GALNT13: variants seen among roughly 807,000 people sequenced by gnomAD.
GALNT13 encodes UDP-GalNAc:polypeptide N-acetylgalactosaminyltransferase 13.
A neutral mutation model predicts 64.2 loss-of-function variants in GALNT13; 28 were observed. The ratio of observed to expected loss-of-function variants is 0.44; its 90% CI spans 0.32 to 0.60. The LOEUF is 0.60. GALNT13 is among the 20% of genes least tolerant of loss of function. The probability of loss-of-function intolerance (pLI) is 0.05; values close to 1 mark genes in which losing one functional copy is unlikely to be tolerated. For synonymous variants in GALNT13, 214 were observed against 224.6 expected (o/e 0.95, Z 0.42); for missense variants, 577 against 669.8 (o/e 0.86, Z 1.53).
chr2:153,797,512 G>A, the GALNT13 span, among the ~76,000 whole-genome samples: 1 of 152,024 alleles, frequency 6.6e-6, no homozygotes, highest in Admixed American at 6.6e-5. Flanking sequence ...TAATCTCAAG[G>A]GATCCCTCGA....
chr2:154,343,055 A>G (rs374040392), intron 9 of GALNT13, among the ~76,000 whole-genome samples: 55 of 152,068 alleles, frequency 3.6e-4, no homozygotes, highest in African/African-American at 1.3e-3. Context: ...AGGTCAAAAC[A>G]TTATGAGAAT....
At chr2:153,902,073 G>A (rs1168202252) in intron 2 of GALNT13, among the ~76,000 whole-genome samples, 1 of 152,110 alleles carries the variant, frequency 6.6e-6, no homozygotes, top group Non-Finnish European at 1.5e-5. Context: ...GGACTCTGGT[G>A]ATCTTCAAAT....
chr2:154,040,719 A>G (rs1423940037), intron 3 of GALNT13, among the ~76,000 whole-genome samples: 1 of 140,500 alleles, frequency 7.1e-6, no homozygotes, highest in Non-Finnish European at 1.6e-5. Flanking sequence ...TGCCTTTTCT[A>G]TATCAGAATG....
chr2:153,801,039 A>G, the GALNT13 span, among the ~76,000 whole-genome samples: 3 of 152,070 alleles, frequency 2.0e-5, no homozygotes, highest in South Asian at 2.1e-4. Context: ...CTACCTTCCA[A>G]CTTCTCTTTG....
the GALNT13 span, chr2:153,762,418 C>T: frequency 6.6e-6 from 1 of 152,418 alleles, no homozygotes; most frequent in Admixed American, 6.5e-5. Context: ...AGAACTGCCA[C>T]TTGCTCAGCC....
chr2:154,377,341 T>C (rs2105324374), intron 9 of GALNT13, among the ~76,000 whole-genome samples: 1 of 152,226 alleles, frequency 6.6e-6, no homozygotes, highest in Middle Eastern at 3.4e-3. Flanking sequence ...TGATTGACAA[T>C]GGAAATGTTT....
At chr2:153,098,717 A>G in the GALNT13 span, among the ~76,000 whole-genome samples, 10 of 152,194 alleles carry the variant, frequency 6.6e-5, no homozygotes, top group South Asian at 6.2e-4. Flanking sequence ...GATATTATAA[A>G]TTATGCTATT....
the GALNT13 span, among the ~76,000 whole-genome samples, chr2:153,780,947 A>G: frequency 6.6e-6 from 1 of 152,172 alleles, no homozygotes; most frequent in South Asian, 2.1e-4. Context: ...TTACAATGCC[A>G]TGTGATAAAC....
In GALNT13 at chr2:153,899,575, T is replaced by C. The variant is rs143267812; in HGVS notation, c.-176-1361T>C. Reference sequence around the variant, plus strand: ...TGTGAAACATTAGCAAAATCATTTATTCATGGGCCAGGTAGAGACCTGTGC... The same window carrying C: ...TGTGAAACATTAGCAAAATCATTTACTCATGGGCCAGGTAGAGACCTGTGC... On this transcript the variant is annotated intron_variant, in intron 1 of 12. Transcript: ENST00000392825. 1.7e-3 allele frequency among the ~76,000 whole-genome samples: 260 copies of C among 152,292 alleles called. 1 individual carries two copies. The highest frequency in any genetic ancestry group is 5.9e-3 in the African/African-American group (246 of 41,562).
intron 3 of GALNT13, among the ~76,000 whole-genome samples, chr2:154,094,372 T>C (rs1388464033): frequency 6.6e-6 from 1 of 151,972 alleles, no homozygotes; most frequent in Non-Finnish European, 1.5e-5. Context: ...TCAACATATA[T>C]TCTCGTCTAT....
chr2:153,433,878 T>C, the GALNT13 span, among the ~76,000 whole-genome samples: 2 of 152,136 alleles, frequency 1.3e-5, no homozygotes, highest in African/African-American at 4.8e-5. Context: ...GTGCACCACG[T>C]ACAGGTTTGT....
the GALNT13 span, among the ~76,000 whole-genome samples, chr2:153,469,086 G>T: frequency 6.6e-6 from 1 of 152,050 alleles, no homozygotes; most frequent in African/African-American, 2.4e-5. Context: ...TCCTGAAAAA[G>T]AAACTGTCCA....
intron 9 of GALNT13, among the ~76,000 whole-genome samples, chr2:154,384,557 A>G (rs1471638517): frequency 6.6e-6 from 1 of 151,946 alleles, no homozygotes. Context: ...TGTCCCTATT[A>G]AAGGAACTCT....
At chr2:153,375,872 G>A in the GALNT13 span, among the ~76,000 whole-genome samples, 1 of 152,182 alleles carries the variant, frequency 6.6e-6, no homozygotes, top group Non-Finnish European at 1.5e-5. Context: ...TCTGCAAGCT[G>A]TACAAGAAGC....
At chr2:154,202,375 G>A (rs186601991) in intron 4 of GALNT13, among the ~76,000 whole-genome samples, 106 of 150,514 alleles carry the variant, frequency 7.0e-4, no homozygotes, top group African/African-American at 2.4e-3. Flanking sequence ...TGCACTTAGC[G>A]TCCTTGAGAT....
chr2:154,142,075 C>G (rs759124372), intron 4 of GALNT13, among the ~76,000 whole-genome samples: 6 of 152,110 alleles, frequency 3.9e-5, no homozygotes, highest in Non-Finnish European at 8.8e-5. Context: ...GCAGGACACA[C>G]TTCCATGTAA....
the GALNT13 span, among the ~76,000 whole-genome samples, chr2:153,622,415 A>G: frequency 6.6e-6 from 1 of 152,178 alleles, no homozygotes; most frequent in Non-Finnish European, 1.5e-5. Flanking sequence ...TTCTTGAATA[A>G]TGAAGCATTA....
the GALNT13 span, among the ~76,000 whole-genome samples, chr2:153,311,415 G>A: frequency 6.6e-6 from 1 of 152,188 alleles, no homozygotes; most frequent in South Asian, 2.1e-4. Flanking sequence ...ATCTATTGGT[G>A]CATAACAAAT....
intron 3 of GALNT13, among the ~76,000 whole-genome samples, chr2:153,993,709 A>AT (rs1558895127): frequency 6.6e-6 from 1 of 151,436 alleles, no homozygotes; most frequent in African/African-American, 2.4e-5. Context: ...AAAAAAAAAA[A>AT]AAAAGATAAA....
Sources: allele counts gnomAD v4.1 joint callset (sites outside exome capture counted in the v4.1 genomes callset), GRCh38; gene constraint gnomAD v4.1.1; transcripts MANE v1.5; gene names NCBI Gene and HGNC (gene_info 2026-07-23, HGNC 2026-07-21).